The following NUMB variants were observed in gnomAD, a reference collection of about 807,000 sequenced individuals.
NUMB encodes the protein protein numb homolog.
Under a neutral mutation model 59.7 loss-of-function variants are expected in NUMB, and 29 were observed. The ratio of observed to expected loss-of-function variants is 0.49; its 90% CI spans 0.36 to 0.66. The LOEUF (loss-of-function observed/expected upper bound fraction) is 0.66. NUMB is among the 30% of genes least tolerant of loss of function. The pLI is 0.00. For missense variants in NUMB, 723 were observed against 822.0 expected, an observed-to-expected ratio of 0.88 and a Z score of 1.47; for synonymous variants, 288 against 288.2, an observed-to-expected ratio of 1.00 and a Z score of 0.01.
intron 3 of NUMB, among the ~76,000 whole-genome samples, chr14:73,363,526 C>A (rs1282538261): frequency 6.6e-6 from 1 of 152,146 alleles, no homozygotes; most frequent in Non-Finnish European, 1.5e-5. Flanking sequence ...TTAAATAAAT[C>A]TTTTCAGGGG....
chr14:73,281,420 AC>A (rs775823046), intron 11 of NUMB: 1 of 152,224 alleles, frequency 6.6e-6, no homozygotes, highest in South Asian at 2.1e-4. Flanking sequence ...GTCATTTGGT[AC>A]ACATGACTAT....
intron 1 of NUMB, among the ~76,000 whole-genome samples, chr14:73,452,863 G>GA (rs924154885): frequency 7.9e-4 from 121 of 152,272 alleles, no homozygotes; most frequent in African/African-American, 2.8e-3. Context: ...TTGAGGGGAA[G>GA]AAAACAAAGG....
intron 2 of NUMB, among the ~76,000 whole-genome samples, chr14:73,382,507 G>A (rs1895295878): frequency 6.6e-6 from 1 of 151,756 alleles, no homozygotes; most frequent in Non-Finnish European, 1.5e-5. Context: ...AAGAGTCCAG[G>A]GCCTGACAAG....
At chr14:73,428,141 G>A (rs977710815) in intron 1 of NUMB, among the ~76,000 whole-genome samples, 3 of 152,054 alleles carry the variant, frequency 2.0e-5, no homozygotes, top group Non-Finnish European at 4.4e-5. Flanking sequence ...GTTTTGAAAA[G>A]GAATTAAAAA....
chr14:73,320,063 C>G (rs909138381), intron 5 of NUMB, among the ~76,000 whole-genome samples: 1 of 152,132 alleles, frequency 6.6e-6, no homozygotes, highest in Admixed American at 6.5e-5. Flanking sequence ...ACCTGGGAGG[C>G]AGAGGTTGCA....
At chr14:73,321,847 T>G (rs1046200105) in intron 5 of NUMB, among the ~76,000 whole-genome samples, 1 of 152,166 alleles carries the variant, frequency 6.6e-6, no homozygotes, top group Non-Finnish European at 1.5e-5. Context: ...GTCTGTATCT[T>G]TTTTTAAAAT....
Position 73,292,892 on chromosome 14 carries a change from C to CAA in NUMB, c.310-20_310-19dup, listed in dbSNP as rs888038686. On this transcript the variant is annotated intron_variant, in intron 7 of 12. Transcript: ENST00000555238. The stretch of plus-strand genomic sequence containing the variant: ...ATGAGGTCCTAGAAAATACGACACA[C>CAA]AAAGAAAGAGAAGACTTATGAGGTT... 6.2e-7 allele frequency: 1 copy of CAA among 1,613,172 alleles called. No homozygotes were observed. The highest frequency in any genetic ancestry group is 8.5e-7 in the Non-Finnish European group (1 of 1,179,574).
chr14:73,386,864 CTTATTTTTTTT>C (rs1236749387), intron 2 of NUMB, among the ~76,000 whole-genome samples: 2 of 73,808 alleles, frequency 2.7e-5, no homozygotes, highest in African/African-American at 5.5e-5. Context: ...TATCAGGTGT[CTTATTTTTTTT>C]TTTTTTTTTT....
At chr14:73,320,803 A>C (rs1891360152) in intron 5 of NUMB, among the ~76,000 whole-genome samples, 1 of 152,026 alleles carries the variant, frequency 6.6e-6, no homozygotes, top group Non-Finnish European at 1.5e-5. Flanking sequence ...GAATATAAAA[A>C]CATTAAATTT....
At chr14:73,413,630 C>T (rs1896996455) in intron 1 of NUMB, among the ~76,000 whole-genome samples, 2 of 151,808 alleles carry the variant, frequency 1.3e-5, no homozygotes, top group South Asian at 4.2e-4. Context: ...TAGTGGTGCG[C>T]ATCTGTAGTC....
rs58379496 is a variant in NUMB at position 73,317,297 on chromosome 14, TTTTG to T, written c.202-879_202-876del. On this transcript the variant is annotated intron_variant, in intron 5 of 12. Coordinates refer to ENST00000555238, the MANE Select transcript of NUMB (RefSeq NM_001005743.2). ...AAGCTATTGCTTATTATTATTTGGT[TTTTG>T]TTTGTTTGTTTGTTTGTTGAGTCAG... is the stretch of plus-strand genomic sequence containing the variant. 6.9e-4 allele frequency among the ~76,000 whole-genome samples: 105 copies of T among 151,716 alleles called. 1 individual carries two copies. Among genetic ancestry groups the T allele is most frequent in the African/African-American group, 2.3e-3 (95 of 41,398 alleles).
chr14:73,448,831 C>A (rs1476173239), intron 1 of NUMB, among the ~76,000 whole-genome samples: 1 of 152,012 alleles, frequency 6.6e-6, no homozygotes, highest in Non-Finnish European at 1.5e-5. Context: ...GGACCAGGTA[C>A]AGTCACATCT....
chr14:73,450,300 G>A (rs1353400891), intron 1 of NUMB, among the ~76,000 whole-genome samples: 1 of 152,140 alleles, frequency 6.6e-6, no homozygotes, highest in Non-Finnish European at 1.5e-5. Context: ...GTAAATTAAC[G>A]ATAAAGTCAA....
intron 2 of NUMB, among the ~76,000 whole-genome samples, chr14:73,385,327 T>TC (rs1213027005): frequency 6.9e-6 from 1 of 145,080 alleles, no homozygotes. Context: ...TTTTTTTTTT[T>TC]GGTAGAGACA....
chr14:73,292,899 A>G, intron 7 of NUMB, 25 bp from the exon 8 acceptor site: 5 of 1,612,994 alleles, frequency 3.1e-6, no homozygotes, highest in Non-Finnish European at 2.5e-6. Context: ...ACACAAAGAA[A>G]GAGAAGACTT....
intron 5 of NUMB, among the ~76,000 whole-genome samples, chr14:73,319,449 C>G (rs901175465): frequency 1.3e-5 from 2 of 152,156 alleles, no homozygotes; most frequent in Non-Finnish European, 2.9e-5. Context: ...ATTTTAAACT[C>G]TGGCATTCAA....
intron 7 of NUMB, among the ~76,000 whole-genome samples, chr14:73,293,143 C>T (rs886753040): frequency 1.3e-5 from 2 of 152,028 alleles, no homozygotes; most frequent in African/African-American, 4.8e-5. Flanking sequence ...TGGTAGATTC[C>T]ACATTCAACA....
chr14:73,310,097 G>C (rs1890693416), intron 6 of NUMB, among the ~76,000 whole-genome samples: 1 of 152,114 alleles, frequency 6.6e-6, no homozygotes, highest in South Asian at 2.1e-4. Context: ...AGAAGTGGTT[G>C]CTACAAAGAA....
chr14:73,377,876 A>G (rs1273720888), intron 2 of NUMB, among the ~76,000 whole-genome samples: 1 of 152,118 alleles, frequency 6.6e-6, no homozygotes, highest in Non-Finnish European at 1.5e-5. Context: ...CTGTGGCAGG[A>G]GATTTGCTTG....
Sources: allele counts gnomAD v4.1 joint callset (sites outside exome capture counted in the v4.1 genomes callset), GRCh38; gene constraint gnomAD v4.1.1; transcripts MANE v1.5; gene names NCBI Gene and HGNC (gene_info 2026-07-23, HGNC 2026-07-21).